NR3C2: variants seen among roughly 807,000 people sequenced by gnomAD.
The protein encoded by NR3C2 is mineralocorticoid receptor.
A neutral mutation model predicts 86.4 loss-of-function variants in NR3C2; 15 were observed. That is an observed-to-expected ratio of 0.17 (90% CI 0.12 to 0.27). The LOEUF is 0.27. Among genes scored for constraint, NR3C2 ranks in the 10% least tolerant of loss-of-function variants. The pLI, the probability that NR3C2 is intolerant of heterozygous loss-of-function variation, is 1.00. For synonymous variants in NR3C2, 458 were observed against 450.5 expected (o/e 1.02, Z -0.21); for missense variants, 960 against 1,195.6 (o/e 0.80, Z 2.91).
At chr4:148,294,035 A>G (rs541014652) in intron 2 of NR3C2, among the ~76,000 whole-genome samples, 1 of 152,278 alleles carries the variant, frequency 6.6e-6, no homozygotes, top group South Asian at 2.1e-4. Context: ...ATTTGGCCCT[A>G]TTGGGTATCC....
At chr4:148,275,644 G>A (rs1288950473) in intron 2 of NR3C2, among the ~76,000 whole-genome samples, 1 of 152,068 alleles carries the variant, frequency 6.6e-6, no homozygotes, top group Non-Finnish European at 1.5e-5. Flanking sequence ...TGGTCAGTCT[G>A]GTCTCGAACT....
chr4:148,381,639 A>G (rs1031076736), intron 2 of NR3C2, among the ~76,000 whole-genome samples: 1 of 152,224 alleles, frequency 6.6e-6, no homozygotes, highest in Non-Finnish European at 1.5e-5. Flanking sequence ...TTCAATCAAA[A>G]TGTTTTTATT....
chr4:148,217,912 A>C (rs1371256817), intron 3 of NR3C2, among the ~76,000 whole-genome samples: 1 of 152,230 alleles, frequency 6.6e-6, no homozygotes, highest in Non-Finnish European at 1.5e-5. Flanking sequence ...GAGAACTTTC[A>C]ACAGTGGTAT....
chr4:148,085,770 C>A (rs930115146), intron 8 of NR3C2, among the ~76,000 whole-genome samples: 1 of 151,924 alleles, frequency 6.6e-6, no homozygotes, highest in Admixed American at 6.6e-5. Context: ...AGAGAAGAAT[C>A]AAACACAATA....
At chr4:148,235,592 G>A (rs1738710245) in intron 3 of NR3C2, among the ~76,000 whole-genome samples, 1 of 151,194 alleles carries the variant, frequency 6.6e-6, no homozygotes, top group African/African-American at 2.4e-5. Context: ...ACTTTTAACT[G>A]CTTTATTGGG....
chr4:148,275,050 C>A (rs976674543), intron 2 of NR3C2, among the ~76,000 whole-genome samples: 1 of 152,134 alleles, frequency 6.6e-6, no homozygotes, highest in South Asian at 2.1e-4. Flanking sequence ...AGATAAAGGG[C>A]ATATAATTCT....
At chr4:148,438,021 A>C (rs1750160518) in intron 1 of NR3C2, among the ~76,000 whole-genome samples, 1 of 152,202 alleles carries the variant, frequency 6.6e-6, no homozygotes, top group Non-Finnish European at 1.5e-5. Flanking sequence ...CCTTACACAC[A>C]ACCCTGAATG....
At chr4:148,135,454 C>T (rs762911645) in intron 6 of NR3C2, among the ~76,000 whole-genome samples, 3 of 152,156 alleles carry the variant, frequency 2.0e-5, no homozygotes, top group Non-Finnish European at 4.4e-5. Context: ...GCAGCCCTTA[C>T]CACACATTGA....
intron 2 of NR3C2, among the ~76,000 whole-genome samples, chr4:148,264,109 A>T (rs1377240666): frequency 6.6e-6 from 1 of 152,204 alleles, no homozygotes; most frequent in African/African-American, 2.4e-5. Flanking sequence ...TTCAATTCCC[A>T]TATGGTTCAT....
At chr4:148,261,405 T>C (rs574731660) in intron 2 of NR3C2, among the ~76,000 whole-genome samples, 1,662 of 144,854 alleles carry the variant, frequency 0.011, 20 homozygotes, top group Middle Eastern at 0.018. Flanking sequence ...CTATGGTCAG[T>C]GCTATGGTGC....
At chr4:148,386,899 C>T (rs919692528) in intron 2 of NR3C2, among the ~76,000 whole-genome samples, 16 of 152,276 alleles carry the variant, frequency 1.1e-4, no homozygotes, top group African/African-American at 3.1e-4. Flanking sequence ...CTCTCTACTC[C>T]GCAGTCTCTG....
intron 2 of NR3C2, among the ~76,000 whole-genome samples, chr4:148,349,634 T>G (rs1301554408): frequency 5.9e-5 from 2 of 34,168 alleles, no homozygotes; most frequent in African/African-American, 9.0e-5. Context: ...AAGGTTCTGG[T>G]GGTGGCTTGG....
intron 2 of NR3C2, among the ~76,000 whole-genome samples, chr4:148,323,746 G>A (rs961762206): frequency 6.6e-6 from 1 of 152,024 alleles, no homozygotes; most frequent in South Asian, 2.1e-4. Flanking sequence ...GCTCGCACAC[G>A]GTGCGCGCAC....
In NR3C2 at chr4:148,436,836, G is replaced by A; in HGVS notation, c.25C>T (p.Leu9Phe). METKGYHS[L>F]PEGLDMERRW... ...CTTTCCATATCTAGACCTTCAGGGA[G>A]ACTGTGGTAGCCTTTGGTCTCCATC... Residue 9 changes from leucine to phenylalanine, a missense_variant, in exon 2 of 9, where the codon CTC becomes TTC. Leu to Phe is a conservative substitution (Grantham distance 22). This residue lies in a region of NR3C2 where 680 missense variants were observed against 719.0 expected (regional missense o/e 0.95). Coordinates refer to ENST00000358102, the MANE Select transcript of NR3C2 (RefSeq NM_000901.5). 6.2e-7 allele frequency: 1 copy of A among 1,611,158 alleles called. No individual in the cohort carries two copies. The highest frequency in any genetic ancestry group is 8.5e-7 in the Non-Finnish European group (1 of 1,179,954).
chr4:148,136,242 C>A (rs1266606378), intron 6 of NR3C2, among the ~76,000 whole-genome samples: 2 of 151,394 alleles, frequency 1.3e-5, no homozygotes, highest in Non-Finnish European at 2.9e-5. Flanking sequence ...GATACTGTCC[C>A]ACTCACTCTA....
At chr4:148,111,912 A>C (rs75454904) in intron 8 of NR3C2, among the ~76,000 whole-genome samples, 4,184 of 152,268 alleles carry the variant, frequency 0.027, 187 homozygotes, top group African/African-American at 0.094. Context: ...TGTGGTGATA[A>C]TTTCACAGGT....
At chr4:148,222,009 T>C (rs1192249981) in intron 3 of NR3C2, among the ~76,000 whole-genome samples, 2 of 151,960 alleles carry the variant, frequency 1.3e-5, no homozygotes, top group African/African-American at 2.4e-5. Context: ...TGTGTGTATA[T>C]AGTAAAATAG....
At chr4:148,132,362 G>A (rs955442499) in intron 6 of NR3C2, among the ~76,000 whole-genome samples, 3 of 152,150 alleles carry the variant, frequency 2.0e-5, no homozygotes, top group South Asian at 2.1e-4. Flanking sequence ...AGGCACATCT[G>A]TCTCTGAGAT....
At chr4:148,227,532 C>T (rs529210162) in intron 3 of NR3C2, among the ~76,000 whole-genome samples, 1 of 152,184 alleles carries the variant, frequency 6.6e-6, no homozygotes, top group South Asian at 2.1e-4. Context: ...ATATTTTCAC[C>T]TACTAATTTA....
Sources: allele counts gnomAD v4.1 joint callset (sites outside exome capture counted in the v4.1 genomes callset), GRCh38; gene constraint gnomAD v4.1.1; regional missense constraint gnomAD v4.1.1; transcripts MANE v1.5; gene names NCBI Gene and HGNC (gene_info 2026-07-23, HGNC 2026-07-21).